Variants in GCA observed in about 807,000 individuals in gnomAD.
GCA encodes the protein grancalcin.
Under a neutral mutation model 32.6 loss-of-function variants are expected in GCA, and 30 were observed. The ratio of observed to expected loss-of-function variants is 0.92; its 90% CI spans 0.69 to 1.25. The LOEUF is 1.25. GCA is among the 50% of genes most tolerant of loss of function. The probability of loss-of-function intolerance (pLI) is 0.00; values close to 1 mark genes in which losing one functional copy is unlikely to be tolerated. For synonymous variants in GCA, 102 were observed against 84.6 expected (o/e 1.21, Z -1.13); for missense variants, 291 against 266.8 (o/e 1.09, Z -0.63).
chr2:162,328,781 T>C (rs918550396), intron 1 of GCA, among the ~76,000 whole-genome samples: 1 of 152,222 alleles, frequency 6.6e-6, no homozygotes, highest in Admixed American at 6.5e-5. Context: ...CTTGCCTTGG[T>C]GTACTGGAAA....
chr2:162,330,154 C>A (rs550712518), intron 1 of GCA, among the ~76,000 whole-genome samples: 1 of 152,262 alleles, frequency 6.6e-6, no homozygotes, highest in South Asian at 2.1e-4. Context: ...GGTGTCTTTA[C>A]AATAGAACAA....
chr2:162,369,504 C>A (rs1218054521), intron 4 of GCA, among the ~76,000 whole-genome samples: 3 of 152,054 alleles, frequency 2.0e-5, no homozygotes, highest in Non-Finnish European at 4.4e-5. Context: ...GCACACCATT[C>A]CCCATCTTCC....
chr2:162,320,494 C>T (rs1234222511), intron 1 of GCA, among the ~76,000 whole-genome samples: 1 of 152,160 alleles, frequency 6.6e-6, no homozygotes, highest in Non-Finnish European at 1.5e-5. Flanking sequence ...TGGTTTCAAA[C>T]ATGGGGGAAT....
At chr2:162,333,946 T>C (rs1684179116) in intron 1 of GCA, among the ~76,000 whole-genome samples, 1 of 152,190 alleles carries the variant, frequency 6.6e-6, no homozygotes, top group Admixed American at 6.5e-5. Flanking sequence ...TGACCAAAGT[T>C]CTCAGATGAG....
chr2:162,375,060 T>C (rs1049819626), downstream of GCA, among the ~76,000 whole-genome samples: 9 of 152,178 alleles, frequency 5.9e-5, no homozygotes, highest in African/African-American at 1.9e-4. Context: ...AGTCCCAGCT[T>C]ATATGTTATC....
intron 7 of GCA, 116 bp downstream of exon 7, chr2:162,359,668 C>G (rs755835422): frequency 4.1e-6 from 2 of 485,062 alleles, no homozygotes; most frequent in South Asian, 4.2e-5. Context: ...ATGCCACATA[C>G]TTTTCCATAT....
Position 162,344,201 on chromosome 2 carries a change from T to A in GCA, c.-48T>A. On this transcript the variant is annotated 5_prime_UTR_variant, in exon 1 of 8. Transcript: ENST00000437150. ...GCGCCTGTGCTTTTTCTCCCAGCAC[T>A]GCGGACGCGACTCGAGGGTGACGCT... 6.2e-7 allele frequency: 1 copy of A among 1,611,950 alleles called. No homozygotes were observed. Among genetic ancestry groups the A allele is most frequent in the Non-Finnish European group, 8.5e-7 (1 of 1,178,406 alleles).
chr2:162,345,092 C>A (rs934075230), intron 1 of GCA, among the ~76,000 whole-genome samples: 11 of 46,418 alleles, frequency 2.4e-4, no homozygotes, highest in African/African-American at 6.8e-4. Flanking sequence ...CCTTGGAGTT[C>A]ATGGTGGTGG....
intron 1 of GCA, among the ~76,000 whole-genome samples, chr2:162,322,439 G>A (rs529342706): frequency 1.3e-5 from 2 of 149,934 alleles, no homozygotes; most frequent in Non-Finnish European, 1.5e-5. Flanking sequence ...TAAGTTTTAG[G>A]GTACATGTGC....
At chr2:162,321,488 G>A (rs1306011102) in intron 1 of GCA, among the ~76,000 whole-genome samples, 1 of 152,076 alleles carries the variant, frequency 6.6e-6, no homozygotes, top group Non-Finnish European at 1.5e-5. Context: ...CCCTGGAATT[G>A]TTGTTCTGTT....
chr2:162,348,350 G>C (rs901709985), intron 2 of GCA, among the ~76,000 whole-genome samples: 2 of 152,050 alleles, frequency 1.3e-5, no homozygotes, highest in African/African-American at 4.8e-5. Context: ...TAAAACCTAA[G>C]TATGTCAAAC....
upstream of GCA, among the ~76,000 whole-genome samples, chr2:162,342,973 C>A (rs1684500176): frequency 6.6e-6 from 1 of 152,214 alleles, no homozygotes; most frequent in South Asian, 2.1e-4. Flanking sequence ...ATTGAAGGAA[C>A]TTACAGACAC....
At chr2:162,340,005 TATTA>T (rs1684387684), upstream of GCA, among the ~76,000 whole-genome samples, 1 of 152,224 alleles carries the variant, frequency 6.6e-6, no homozygotes, top group South Asian at 2.1e-4. Flanking sequence ...CTATTTATAT[TATTA>T]ATTAATTTTT....
intron 2 of GCA, among the ~76,000 whole-genome samples, chr2:162,350,100 C>G (rs1478844374): frequency 6.6e-6 from 1 of 152,112 alleles, no homozygotes; most frequent in African/African-American, 2.4e-5. Context: ...TCCCAGATAC[C>G]TTTGTAGCTA....
At chr2:162,353,644 C>G (rs1214745849) in intron 3 of GCA, among the ~76,000 whole-genome samples, 2 of 152,124 alleles carry the variant, frequency 1.3e-5, no homozygotes, top group Non-Finnish European at 2.9e-5. Context: ...GTTGCATTAT[C>G]TTTCTCTTTC....
At chr2:162,354,553 C>G (rs1307641053) in intron 3 of GCA, among the ~76,000 whole-genome samples, 1 of 152,124 alleles carries the variant, frequency 6.6e-6, no homozygotes, top group East Asian at 1.9e-4. Context: ...GGATATGAGG[C>G]TTAGAATGCT....
chr2:162,329,546 G>T (rs1301530353), intron 1 of GCA, among the ~76,000 whole-genome samples: 2 of 151,488 alleles, frequency 1.3e-5, no homozygotes, highest in Non-Finnish European at 2.9e-5. Flanking sequence ...TGTATTTTAT[G>T]ATAAATTATT....
downstream of GCA, among the ~76,000 whole-genome samples, chr2:162,365,125 T>TA (rs1214292376): frequency 6.6e-6 from 1 of 151,532 alleles, no homozygotes; most frequent in Non-Finnish European, 1.5e-5. Context: ...GCTTCTCTAG[T>TA]AAAAGTATCC....
intron 2 of GCA, among the ~76,000 whole-genome samples, chr2:162,350,571 T>C (rs1418054053): frequency 1.3e-5 from 2 of 152,220 alleles, no homozygotes; most frequent in African/African-American, 4.8e-5. Context: ...ATAATTCTAT[T>C]ATCTCTGTTT....
Sources: gnomAD v4.1 joint callset for allele counts (sites outside exome capture counted in the v4.1 genomes callset) on GRCh38, gnomAD v4.1.1 for gene constraint, MANE v1.5 for transcripts, NCBI Gene and HGNC (gene_info 2026-07-23, HGNC 2026-07-21) for gene names.